Variants in CFAP57 observed in about 807,000 individuals in gnomAD.
CFAP57 encodes cilia- and flagella-associated protein 57.
CFAP57 carries 116 observed loss-of-function variants against 146.8 expected under a neutral mutation model. The observed-to-expected ratio is 0.79, with a 90% CI of 0.68 to 0.92. The LOEUF (loss-of-function observed/expected upper bound fraction) is 0.92. Among genes scored for constraint, CFAP57 ranks in the 40% least tolerant of loss-of-function variants. CFAP57 has a pLI of 0.00. For synonymous variants in CFAP57, 518 were observed against 552.8 expected, an observed-to-expected ratio of 0.94 and a Z score of 0.88; for missense variants, 1,377 against 1,527.2, an observed-to-expected ratio of 0.90 and a Z score of 1.64.
chr1:43,254,012 G>C lies in CFAP57; in HGVS notation c.3574G>C (p.Ala1192Pro), dbSNP rs761031992. The C allele has an allele frequency of 6.4e-7, 1 of 1,550,458 alleles. No individual in the cohort carries two copies. Residue 1192 changes from alanine to proline, a missense_variant, in exon 23 of 23, where the codon GCA becomes CCA. Transcript: ENST00000372492. ...GGACATGCTCAGCACAGCTCCCACC[G>C]CAAGGTTGAATGAGCAAGAAGAAAC... ...SRDMLSTAPT[A>P]RLNEQEETGR...
chr1:43,183,766 C>G lies in CFAP57; in HGVS notation c.650C>G (p.Thr217Arg), dbSNP rs769255988. Residue 217 changes from threonine to arginine, a missense_variant, in exon 4 of 23, where the codon ACA becomes AGA. Physicochemically the swap from Thr to Arg is moderately conservative, Grantham distance 71. Coordinates refer to ENST00000372492, the MANE Select transcript of CFAP57 (RefSeq NM_001378189.1). ...ADDKIVVGTD[T>R]GKLFLFESGD... Reference sequence around the variant, plus strand: ...GACAAGATTGTCGTTGGCACTGACACAGGCAAACTCTTCCTCTTTGAATCT... The same window carrying G: ...GACAAGATTGTCGTTGGCACTGACAGAGGCAAACTCTTCCTCTTTGAATCT... 14 of 1,614,208 alleles carry G rather than the reference C, an allele frequency of 8.7e-6. No homozygotes were observed. The highest frequency in any genetic ancestry group is 1.1e-5 in the Non-Finnish European group (13 of 1,180,036).
chr1:43,187,625 C>A (rs530175797), intron 6 of CFAP57, among the ~76,000 whole-genome samples: 1 of 151,596 alleles, frequency 6.6e-6, no homozygotes, highest in Admixed American at 6.6e-5. Flanking sequence ...AAGCGCATAC[C>A]CTTTAGCTAT....
At chr1:43,217,423 G>T (rs1235674392) in intron 12 of CFAP57, among the ~76,000 whole-genome samples, 1 of 152,112 alleles carries the variant, frequency 6.6e-6, no homozygotes, top group Non-Finnish European at 1.5e-5. Flanking sequence ...ACTAGCCAGG[G>T]CAGACCCCTG....
chr1:43,193,038 G>A (rs1039817054), intron 6 of CFAP57, among the ~76,000 whole-genome samples: 1 of 152,016 alleles, frequency 6.6e-6, no homozygotes, highest in Non-Finnish European at 1.5e-5. Context: ...ATACATTTGG[G>A]TGCTCTATTT....
Sources: allele counts gnomAD v4.1 joint callset (sites outside exome capture counted in the v4.1 genomes callset), GRCh38; gene constraint gnomAD v4.1.1; transcripts MANE v1.5; gene names NCBI Gene and HGNC (gene_info 2026-07-23, HGNC 2026-07-21).